The following THBS2 variants were observed in gnomAD, a reference collection of about 807,000 sequenced individuals.
THBS2 encodes the protein thrombospondin-2.
In THBS2, 47 loss-of-function variants were observed where a neutral mutation model predicts 135.2. That is an observed-to-expected ratio of 0.35 (90% CI 0.28 to 0.44). THBS2 has a LOEUF of 0.44. THBS2 is among the 20% of genes least tolerant of loss of function. The pLI, the probability that THBS2 is intolerant of heterozygous loss-of-function variation, is 1.00. For synonymous variants in THBS2, 639 were observed against 633.8 expected (o/e 1.01, Z -0.12); for missense variants, 1,288 against 1,603.1 (o/e 0.80, Z 3.36).
chr6:169,242,029 G>T, intron 4 of THBS2, 71 bp from the exon 5 acceptor site: 1 of 1,518,192 alleles, frequency 6.6e-7, no homozygotes, highest in Middle Eastern at 1.9e-4. Flanking sequence ...GGGAACAGAG[G>T]GAGGATGACC....
At chr6:169,249,764 C>A (rs1317141265) in intron 2 of THBS2, among the ~76,000 whole-genome samples, 1 of 152,172 alleles carries the variant, frequency 6.6e-6, no homozygotes, top group African/African-American at 2.4e-5. Flanking sequence ...GGCGCGGTGG[C>A]TCACACCTGT....
rs750605264 is a variant in THBS2 at position 169,223,316 on chromosome 6, T to C, written c.2933A>G (p.Asn978Ser). Residue 978 changes from asparagine to serine, a missense_variant, in exon 18 of 22, where the codon AAC becomes AGC. Asn to Ser is a conservative substitution (Grantham distance 46). Coordinates refer to ENST00000617924, the MANE Select transcript of THBS2 (RefSeq NM_003247.5). The stretch of plus-strand genomic sequence containing the variant: ...CTTGCCTTGATGGCGAATGACCCAG[T>C]TGGGATCAATTTGGGTGGTCCCTTT... ...DPKGTTQIDP[N>S]WVIRHQGKEL... is the part of the protein sequence containing the mutation. The C allele has an allele frequency of 9.9e-6, 16 of 1,614,052 alleles. No homozygotes were observed. Among genetic ancestry groups the C allele is most frequent in the Non-Finnish European group, 1.2e-5 (14 of 1,180,056 alleles).
intron 3 of THBS2, among the ~76,000 whole-genome samples, chr6:169,246,980 A>G (rs1780574080): frequency 6.6e-6 from 1 of 152,238 alleles, no homozygotes; most frequent in African/African-American, 2.4e-5. Context: ...ACATGAAACC[A>G]TTCCCTCATA....
At position 169,248,285 on chromosome 6, in the gene THBS2, C is replaced by T. The variant is rs115872154; in HGVS notation, c.609+132G>A. The T allele has an allele frequency of 9.4e-6, 10 of 1,060,792 alleles. No homozygotes were observed. In the East Asian group the frequency reaches 1.7e-4, roughly 18 times the overall value. The allele number at this position is 1,060,792 out of a possible 1,614,324, so 65.7% of individuals were successfully genotyped here. ...TGCACGCATGTGTGTGAGCACATGC[C>T]GGGATGTGCAGTGTGCTTCTCTAAG... On this transcript the variant is annotated intron_variant, in intron 3 of 21. Transcript: ENST00000617924.
rs560555568 is a variant in THBS2, at chr6:169,229,893, G to A, written c.2152-214C>T. Reference sequence around the variant, plus strand: ...TGGAAATTATGTCACCACTACTCACGAGGGAGACAAAAGAAACTTGTGTTC... The same window carrying A: ...TGGAAATTATGTCACCACTACTCACAAGGGAGACAAAAGAAACTTGTGTTC... On this transcript the variant is annotated intron_variant, in intron 13 of 21. Coordinates refer to ENST00000617924, the MANE Select transcript of THBS2 (RefSeq NM_003247.5). 1.1e-4 allele frequency among the ~76,000 whole-genome samples: 16 copies of A among 152,250 alleles called. No individual in the cohort carries two copies. The South Asian group carries it at 2.3e-3, about 22-fold the overall frequency.
intron 21 of THBS2, among the ~76,000 whole-genome samples, chr6:169,218,129 G>C: frequency 8.0e-6 from 1 of 124,332 alleles, no homozygotes; most frequent in Non-Finnish European, 1.7e-5. Context: ...GGGTGGGTGG[G>C]TGGATGAGAT....
chr6:169,242,600 A>ACCTTCCCACC (rs1780354543), intron 4 of THBS2, among the ~76,000 whole-genome samples: 38 of 53,868 alleles, frequency 7.1e-4, no homozygotes, highest in African/African-American at 3.3e-3. Context: ...ACCTTCCCAC[A>ACCTTCCCACC]TTCCCACCTT....
intron 17 of THBS2, among the ~76,000 whole-genome samples, chr6:169,223,791 G>A (rs1262464282): frequency 6.6e-6 from 1 of 152,234 alleles, no homozygotes; most frequent in Non-Finnish European, 1.5e-5. Context: ...CTGAATGGCT[G>A]TCAAGTAATA....
At chr6:169,219,325 T>TGG (rs1779330020) in intron 21 of THBS2, among the ~76,000 whole-genome samples, 1 of 38,862 alleles carries the variant, frequency 2.6e-5, no homozygotes, top group African/African-American at 1.6e-4. Context: ...ATGAGATGGG[T>TGG]GGGTGTGTGG....
At chr6:169,237,601 G>A (rs374305779) in intron 8 of THBS2, 24 bp downstream of exon 8, 196 of 1,610,546 alleles carry the variant, frequency 1.2e-4, no homozygotes, top group Non-Finnish European at 1.5e-4. Flanking sequence ...ACAGGCACGC[G>A]GGTGTCACCT....
At chr6:169,248,298 G>A (rs758014615) in intron 3 of THBS2, 119 bp downstream of exon 3, 1 of 1,198,166 alleles carries the variant, frequency 8.3e-7, no homozygotes, top group Non-Finnish European at 1.2e-6. Context: ...GATGTGCAGT[G>A]TGCTTCTCTA....
Position 169,242,996 on chromosome 6 carries a change from C to T in THBS2, c.695-1038G>A, listed in dbSNP as rs1408245911. ...ACCTTCCCACCTTCCCACATTCGCA[C>T]CTTCCCACCTTCCCACATTCCCACC... On this transcript the variant is annotated intron_variant, in intron 4 of 21. Coordinates refer to ENST00000617924, the MANE Select transcript of THBS2 (RefSeq NM_003247.5). Among the ~76,000 whole-genome samples, 324 of 55,694 alleles carry T rather than the reference C, an allele frequency of 5.8e-3. 4 individuals carry two copies. The highest frequency in any genetic ancestry group is 0.028 in the African/African-American group (296 of 10,498). The allele number at this position is 55,694 out of a possible 152,430, so 36.5% of individuals were successfully genotyped here. A position where few individuals can be genotyped will look rare whatever the true frequency, so the allele number is the denominator to read the frequency against.
At chr6:169,236,645 GCCA>G (rs1780096511) in intron 9 of THBS2, among the ~76,000 whole-genome samples, 1 of 50,452 alleles carries the variant, frequency 2.0e-5, no homozygotes, top group Non-Finnish European at 3.9e-5. Flanking sequence ...ATCCACACTC[GCCA>G]TCCACACTCA....
At chr6:169,236,197 T>C (rs578181108) in intron 9 of THBS2, among the ~76,000 whole-genome samples, 6 of 67,988 alleles carry the variant, frequency 8.8e-5, no homozygotes, top group East Asian at 5.1e-4. Context: ...TCCACACTCA[T>C]TGCCCCATAA....
intron 4 of THBS2, among the ~76,000 whole-genome samples, chr6:169,243,343 C>A (rs1780440262): frequency 6.6e-6 from 1 of 152,212 alleles, no homozygotes; most frequent in Non-Finnish European, 1.5e-5. Flanking sequence ...GTCAGCGGGG[C>A]CTGCGCAGTT....
Position 169,234,899 on chromosome 6 carries a change from G to A in THBS2, c.1486C>T (p.Arg496Cys), listed in dbSNP as rs149704494. The A allele has an allele frequency of 3.7e-6, 6 of 1,601,468 alleles. No homozygotes were observed. The highest frequency in any genetic ancestry group is 1.1e-5 in the South Asian group (1 of 90,086). The change falls in exon 10 of 22, where the codon CGC (arginine) becomes TGC (cysteine). Residue 496 changes from arginine (R) to cysteine (C), a missense_variant. By Grantham distance (180) the Arg-to-Cys change is radical. Coordinates refer to ENST00000617924, the MANE Select transcript of THBS2 (RefSeq NM_003247.5). ...GACCACGGGGACCAGGGGCTCCAGC[G>A]GCCATCGACTGCGGGGAAAGCCAAC... The part of the protein sequence containing the change: ...CQGAPCPIDG[R>C]WSPWSPWSAC...
At chr6:169,218,978 G>A (rs1562352057) in intron 21 of THBS2, among the ~76,000 whole-genome samples, 3 of 147,162 alleles carry the variant, frequency 2.0e-5, no homozygotes, top group Non-Finnish European at 3.0e-5. Context: ...GTAGGTGGGT[G>A]GATGAGTGGA....
At chr6:169,223,612 C>A (rs1779512281) in intron 17 of THBS2, 137 bp from the exon 18 acceptor site, 1 of 690,606 alleles carries the variant, frequency 1.4e-6, no homozygotes, top group Admixed American at 2.7e-5. Context: ...GAGTGCTTTG[C>A]AGTGTTTTGT....
At chr6:169,218,799 G>GGATA (rs1779300101) in intron 21 of THBS2, among the ~76,000 whole-genome samples, 1 of 146,978 alleles carries the variant, frequency 6.8e-6, no homozygotes, top group African/African-American at 2.6e-5. Flanking sequence ...GTTGGTGGAT[G>GGATA]AGATGGATGA....
Sources: gnomAD v4.1 joint callset for allele counts (sites outside exome capture counted in the v4.1 genomes callset) on GRCh38, gnomAD v4.1.1 for gene constraint, MANE v1.5 for transcripts, NCBI Gene and HGNC (gene_info 2026-07-23, HGNC 2026-07-21) for gene names.